The following KCNAB1 variants were observed in gnomAD, a reference collection of about 807,000 sequenced individuals.
KCNAB1 encodes voltage-gated potassium channel subunit beta-1.
In KCNAB1, 35 loss-of-function variants were observed where a neutral mutation model predicts 64.6. That is an observed-to-expected ratio of 0.54 (90% CI 0.41 to 0.72). KCNAB1 has a LOEUF of 0.72. Ranked by LOEUF, KCNAB1 falls within the 30% of genes least tolerant of loss-of-function variation. The probability of loss-of-function intolerance (pLI) is 0.00; values close to 1 mark genes in which losing one functional copy is unlikely to be tolerated. For missense variants in KCNAB1, 401 were observed against 512.9 expected, an observed-to-expected ratio of 0.78 and a Z score of 2.11; for synonymous variants, 177 against 183.8, an observed-to-expected ratio of 0.96 and a Z score of 0.30.
chr3:156,137,358 G>A (rs1714414107), intron 1 of KCNAB1, among the ~76,000 whole-genome samples: 1 of 152,102 alleles, frequency 6.6e-6, no homozygotes, highest in Non-Finnish European at 1.5e-5. Context: ...GGCTCAACAG[G>A]GGCTCTCCAT....
At position 156,536,851 on chromosome 3, in the gene KCNAB1, C is replaced by T; in HGVS notation, c.*104C>T. ...TTTTGAATCACTTAGCAGCTTGCTG[C>T]TCAACCTCTAGTGTCCCTCCCTGGA... On this transcript the variant is annotated 3_prime_UTR_variant, in exon 14 of 14. Coordinates refer to ENST00000490337, the MANE Select transcript of KCNAB1 (RefSeq NM_172160.3). 1 of 792,314 alleles carries T rather than the reference C, an allele frequency of 1.3e-6. No individual in the cohort carries two copies. 49.1% of individuals were successfully genotyped at this position (792,314 alleles called of 1,614,324 possible).
chr3:156,459,175 C>G (rs946188275), intron 4 of KCNAB1, among the ~76,000 whole-genome samples: 9 of 152,164 alleles, frequency 5.9e-5, no homozygotes, highest in Admixed American at 5.2e-4. Flanking sequence ...ACATTTGTCT[C>G]CTCAATCTTG....
chr3:156,362,435 G>A (rs1462904564), intron 1 of KCNAB1, among the ~76,000 whole-genome samples: 1 of 152,194 alleles, frequency 6.6e-6, no homozygotes, highest in African/African-American at 2.4e-5. Flanking sequence ...AGGCAGTGTG[G>A]CATTGAATTG....
At chr3:156,400,851 A>C (rs890433018) in intron 1 of KCNAB1, among the ~76,000 whole-genome samples, 18 of 152,306 alleles carry the variant, frequency 1.2e-4, no homozygotes, top group Non-Finnish European at 1.9e-4. Flanking sequence ...TTTCTCACTC[A>C]CTTCTCTGCT....
chr3:156,503,459 A>T lies in KCNAB1; in HGVS notation c.659-10905A>T, dbSNP rs1716594284. ...GAGTACATGTCTGGTGGAGCAAGAA[A>T]TAATATTAAGAGGATATAGCATCCC... On this transcript the variant is annotated intron_variant, in intron 8 of 13. Transcript: ENST00000490337. 1.3e-5 allele frequency among the ~76,000 whole-genome samples: 2 copies of T among 152,240 alleles called. 1 individual carries two copies. The highest frequency in any genetic ancestry group is 4.1e-4 in the South Asian group (2 of 4,826).
intron 1 of KCNAB1, among the ~76,000 whole-genome samples, chr3:156,229,859 G>T (rs924000098): frequency 6.8e-6 from 1 of 147,092 alleles, no homozygotes; most frequent in African/African-American, 2.5e-5. Context: ...AATTTAAAAA[G>T]TTTTTTTTTT....
chr3:156,504,751 G>GTTTTTTTTTTTTT (rs71302274), intron 8 of KCNAB1, among the ~76,000 whole-genome samples: 1 of 132,750 alleles, frequency 7.5e-6, no homozygotes, highest in Non-Finnish European at 1.6e-5. Flanking sequence ...TGTTTTTTTT[G>GTTTTTTTTTTTTT]TTTTTTTTTT....
chr3:156,420,247 G>C (rs1280665305), intron 1 of KCNAB1, among the ~76,000 whole-genome samples: 5 of 152,232 alleles, frequency 3.3e-5, no homozygotes, highest in Non-Finnish European at 5.9e-5. Context: ...AAATGGCATA[G>C]ACATCAACGC....
At chr3:156,496,714 C>T (rs1481842500) in intron 8 of KCNAB1, among the ~76,000 whole-genome samples, 1 of 152,092 alleles carries the variant, frequency 6.6e-6, no homozygotes, top group Non-Finnish European at 1.5e-5. Context: ...CCATGATAAA[C>T]CTTGATGAAT....
At chr3:156,528,514 A>C (rs1718480680) in intron 12 of KCNAB1, among the ~76,000 whole-genome samples, 1 of 152,266 alleles carries the variant, frequency 6.6e-6, no homozygotes, top group African/African-American at 2.4e-5. Flanking sequence ...AATACAGGTC[A>C]TCATATTAAG....
chr3:156,516,620 T>C (rs1717585095), intron 11 of KCNAB1, among the ~76,000 whole-genome samples: 1 of 152,230 alleles, frequency 6.6e-6, no homozygotes, highest in African/African-American at 2.4e-5. Context: ...AGTGACCTGA[T>C]TGGACTTGCA....
At chr3:156,208,870 A>G (rs1332204742) in intron 1 of KCNAB1, among the ~76,000 whole-genome samples, 1 of 152,228 alleles carries the variant, frequency 6.6e-6, no homozygotes, top group Non-Finnish European at 1.5e-5. Context: ...GGAAGTGGCC[A>G]TCAGGCTTAA....
chr3:156,449,159 ATAT>A (rs1204108860), intron 2 of KCNAB1, among the ~76,000 whole-genome samples: 2 of 152,192 alleles, frequency 1.3e-5, no homozygotes, highest in African/African-American at 4.8e-5. Flanking sequence ...AATATATATA[ATAT>A]TCATATGCTA....
intron 1 of KCNAB1, among the ~76,000 whole-genome samples, chr3:156,313,997 T>C (rs1722108876): frequency 6.6e-6 from 1 of 152,242 alleles, no homozygotes. Flanking sequence ...AAGTATTCTC[T>C]GTCTCTCACC....
intron 1 of KCNAB1, among the ~76,000 whole-genome samples, chr3:156,199,782 G>T (rs1055557463): frequency 4.3e-4 from 65 of 152,286 alleles, no homozygotes; most frequent in African/African-American, 1.6e-3. Context: ...TAGCTCAGAG[G>T]AGTTTGTTAT....
intron 1 of KCNAB1, among the ~76,000 whole-genome samples, chr3:156,232,720 A>G (rs760246965): frequency 1.3e-5 from 2 of 152,250 alleles, no homozygotes; most frequent in Non-Finnish European, 2.9e-5. Flanking sequence ...TTAATCTGGG[A>G]CTATGATTTT....
chr3:156,264,153 A>C (rs1718571965), intron 1 of KCNAB1, among the ~76,000 whole-genome samples: 1 of 152,106 alleles, frequency 6.6e-6, no homozygotes, highest in African/African-American at 2.4e-5. Context: ...TATTTTTATA[A>C]AATGTCCTTA....
chr3:156,264,790 T>A (rs1718607643), intron 1 of KCNAB1, among the ~76,000 whole-genome samples: 1 of 152,198 alleles, frequency 6.6e-6, no homozygotes, highest in Non-Finnish European at 1.5e-5. Flanking sequence ...AATAGTAAAC[T>A]AAAGCACTTT....
chr3:156,403,469 T>A (rs1714041592), intron 1 of KCNAB1, among the ~76,000 whole-genome samples: 1 of 152,230 alleles, frequency 6.6e-6, no homozygotes, highest in African/African-American at 2.4e-5. Context: ...ACTTCTGACT[T>A]ATTTTTATCT....
Sources: gnomAD v4.1 joint callset for allele counts (sites outside exome capture counted in the v4.1 genomes callset) on GRCh38, gnomAD v4.1.1 for gene constraint, MANE v1.5 for transcripts, NCBI Gene and HGNC (gene_info 2026-07-23, HGNC 2026-07-21) for gene names.